KHDC1: variants seen among roughly 807,000 people sequenced by gnomAD.
KHDC1 encodes KH domain containing 1, also known as KH homology domain-containing protein 1.
KHDC1 carries 21 observed loss-of-function variants against 24.7 expected under a neutral mutation model. The observed-to-expected ratio is 0.85, with a 90% CI of 0.60 to 1.23. The LOEUF is 1.23. Ranked by LOEUF, KHDC1 falls within the 50% of genes most tolerant of loss-of-function variation. The probability of loss-of-function intolerance (pLI) is 0.00; values close to 1 mark genes in which losing one functional copy is unlikely to be tolerated. For synonymous variants in KHDC1, 98 were observed against 111.7 expected (o/e 0.88, Z 0.77); for missense variants, 274 against 298.5 (o/e 0.92, Z 0.61).
intron 2 of KHDC1, among the ~76,000 whole-genome samples, chr6:73,286,872 G>T (rs1040283822): frequency 1.9e-5 from 2 of 105,224 alleles, no homozygotes; most frequent in African/African-American, 6.7e-5. Flanking sequence ...AACAGAGTGA[G>T]ACTCTGTCTC....
chr6:73,288,938 T>C (rs943674743), intron 2 of KHDC1, among the ~76,000 whole-genome samples: 5 of 152,056 alleles, frequency 3.3e-5, no homozygotes, highest in Admixed American at 2.6e-4. Context: ...TAAACCTAAA[T>C]AGATTAAAAT....
intron 2 of KHDC1, among the ~76,000 whole-genome samples, chr6:73,250,911 C>A (rs183205603): frequency 3.5e-4 from 53 of 152,324 alleles, no homozygotes; most frequent in African/African-American, 1.3e-3. Context: ...GCAATCTTGG[C>A]TCACTGCAAC....
chr6:73,277,517 T>G (rs1248038651), intron 2 of KHDC1, among the ~76,000 whole-genome samples: 1 of 152,124 alleles, frequency 6.6e-6, no homozygotes, highest in Non-Finnish European at 1.5e-5. Context: ...TTTCAGTAGC[T>G]TAAATGACAA....
At chr6:73,248,279 G>A (rs192561857) in intron 2 of KHDC1, among the ~76,000 whole-genome samples, 7 of 152,098 alleles carry the variant, frequency 4.6e-5, no homozygotes, top group Non-Finnish European at 1.0e-4. Context: ...GATTGAGAGC[G>A]TGGAGCATCC....
chr6:73,291,257 G>A (rs942630677), intron 2 of KHDC1: 9 of 370,506 alleles, frequency 2.4e-5, no homozygotes, highest in African/African-American at 1.0e-4. Flanking sequence ...AATAACCACT[G>A]AGTGGCCTTA....
intron 2 of KHDC1, among the ~76,000 whole-genome samples, chr6:73,287,935 C>A (rs528801481): frequency 3.3e-4 from 51 of 152,278 alleles, no homozygotes; most frequent in Non-Finnish European, 7.4e-5. Context: ...TGATACTACT[C>A]CTCTGGGGTG....
intron 2 of KHDC1, among the ~76,000 whole-genome samples, chr6:73,271,039 G>C (rs1396693327): frequency 6.6e-6 from 1 of 152,018 alleles, no homozygotes; most frequent in Non-Finnish European, 1.5e-5. Flanking sequence ...TCGTTAATTA[G>C]TAAATGATGG....
At position 73,273,564 on chromosome 6, in the gene KHDC1, C is replaced by T. The variant is rs1767220158; in HGVS notation, c.206+18434G>A. On this transcript the variant is annotated intron_variant, in intron 2 of 4. Transcript: ENST00000370384. ...GGGCGCAGTGGCTCACGCCTGTAGT[C>T]CCAGCACTTTGGGAGGCCAAGGTAA... Among the ~76,000 whole-genome samples the T allele has an allele frequency of 4.6e-5, 7 of 151,860 alleles. No homozygotes were observed. In the South Asian group the frequency reaches 1.5e-3, roughly 32 times the overall value.
intron 2 of KHDC1, among the ~76,000 whole-genome samples, chr6:73,258,139 C>T (rs940949352): frequency 6.6e-6 from 1 of 152,188 alleles, no homozygotes; most frequent in Non-Finnish European, 1.5e-5. Flanking sequence ...CCTGTAATCC[C>T]AGCTACTCTG....
intron 1 of KHDC1, among the ~76,000 whole-genome samples, chr6:73,307,020 T>G (rs554444991): frequency 2.1e-4 from 32 of 151,862 alleles, no homozygotes; most frequent in South Asian, 2.1e-4. Flanking sequence ...AAAATAAAAC[T>G]TTCACTTAAA....
At chr6:73,264,191 C>A (rs1335131759) in intron 2 of KHDC1, among the ~76,000 whole-genome samples, 1 of 152,082 alleles carries the variant, frequency 6.6e-6, no homozygotes, top group Admixed American at 6.6e-5. Context: ...AAAGCAAGAC[C>A]CTGTCTGAGG....
chr6:73,257,879 A>G (rs1171779645), intron 2 of KHDC1, among the ~76,000 whole-genome samples: 1 of 152,104 alleles, frequency 6.6e-6, no homozygotes, highest in African/African-American at 2.4e-5. Context: ...AGGCCAAGAC[A>G]AGAGAATTGC....
chr6:73,246,515 G>A lies in KHDC1; in HGVS notation c.207-3985C>T, dbSNP rs997196302. ...CAAGTAAGAGAAGGAGAGTTGTCAC[G>A]AGAATTAAGGAGGGCACTGACAAAT... On this transcript the variant is annotated intron_variant, in intron 2 of 4. Coordinates refer to ENST00000370384, the Ensembl canonical transcript of KHDC1. Among the ~76,000 whole-genome samples the A allele has an allele frequency of 3.9e-5, 6 of 152,246 alleles. No homozygotes were observed. The East Asian group carries it at 5.8e-4, about 15-fold the overall frequency.
Position 73,309,718 on chromosome 6 carries a change from GC to G in KHDC1, c.-5del, listed in dbSNP as rs574305967. On this transcript the variant is annotated 5_prime_UTR_variant, in exon 1 of 5. Transcript: ENST00000370384. ...GCCTCTGGAAGGCCGACAGCATTTC[GC>G]GTTTCTGGCCTGGGAAAGTAAGGGT... 1.2e-5 allele frequency: 19 copies of G among 1,550,012 alleles called. No individual in the cohort carries two copies. In the African/African-American group the frequency reaches 2.5e-4, roughly 20 times the overall value.
At chr6:73,252,022 C>T (rs965870203) in intron 2 of KHDC1, among the ~76,000 whole-genome samples, 2 of 151,376 alleles carry the variant, frequency 1.3e-5, no homozygotes, top group Admixed American at 1.3e-4. Flanking sequence ...AGGGCCCAGG[C>T]CTTGGCCTAA....
At chr6:73,259,661 A>G (rs1766943574) in intron 2 of KHDC1, among the ~76,000 whole-genome samples, 1 of 151,862 alleles carries the variant, frequency 6.6e-6, no homozygotes, top group East Asian at 1.9e-4. Flanking sequence ...AGATTTATAA[A>G]CTCCTTGTCA....
At chr6:73,272,227 G>C (rs559738429) in intron 2 of KHDC1, among the ~76,000 whole-genome samples, 2 of 151,528 alleles carry the variant, frequency 1.3e-5, no homozygotes, top group Non-Finnish European at 2.9e-5. Flanking sequence ...GCAGTGGAGC[G>C]ATCTCGGCTC....
At chr6:73,290,836 C>A in intron 2 of KHDC1, 1 of 336,406 alleles carries the variant, frequency 3.0e-6, no homozygotes. Flanking sequence ...AACCTACCTA[C>A]CTACCACTGC....
rs59935884 is a variant in KHDC1 at position 73,259,280 on chromosome 6, C to CTTTTTTTTTT, written c.207-16760_207-16751dup. On this transcript the variant is annotated intron_variant, in intron 2 of 4. Transcript: ENST00000370384. Reference sequence around the variant, plus strand: ...GCTTTCTGCTGACAAATCCAATATGCTTTTTTTTTTTTTTTTTTTTTTTTT... The same window carrying CTTTTTTTTTT: ...GCTTTCTGCTGACAAATCCAATATGCTTTTTTTTTTTTTTTTTTTTTTTTTTTTTTTTTTT... Among the ~76,000 whole-genome samples, 65 of 73,258 alleles carry CTTTTTTTTTT rather than the reference C, an allele frequency of 8.9e-4. 14 individuals are homozygous for CTTTTTTTTTT. The highest frequency in any genetic ancestry group is 3.9e-3 in the African/African-American group (62 of 15,748). The allele number at this position is 73,258 out of a possible 152,430, so 48.1% of individuals were successfully genotyped here. A position where few individuals can be genotyped will look rare whatever the true frequency, so the allele number is the denominator to read the frequency against.
Sources: gnomAD v4.1 joint callset for allele counts (sites outside exome capture counted in the v4.1 genomes callset) on GRCh38, gnomAD v4.1.1 for gene constraint, MANE v1.5 for transcripts, NCBI Gene and HGNC (gene_info 2026-07-23, HGNC 2026-07-21) for gene names.